The following PDE6B variants were observed in gnomAD, a reference collection of about 807,000 sequenced individuals.
The protein encoded by PDE6B is phosphodiesterase 6B.
PDE6B carries 106 observed loss-of-function variants against 109.0 expected under a neutral mutation model. The observed-to-expected ratio is 0.97, with a 90% CI of 0.83 to 1.14. The LOEUF (loss-of-function observed/expected upper bound fraction) is 1.14. PDE6B is among the 50% of genes most tolerant of loss of function. PDE6B has a pLI of 0.00. For missense variants in PDE6B, 1,193 were observed against 1,155.6 expected, an observed-to-expected ratio of 1.03 and a Z score of -0.47; for synonymous variants, 490 against 471.3, an observed-to-expected ratio of 1.04 and a Z score of -0.51.
rs61734864 is a variant in PDE6B at position 670,047 on chromosome 4, A to G, written c.2505A>G (p.Val835=). 2,594 of 1,612,238 alleles carry G rather than the reference A, an allele frequency of 1.6e-3. 42 individuals are homozygous for G. The African/African-American group carries it at 0.031, about 19-fold the overall frequency. ...ACCATCTTCTGTCTTCTCTTGCAGT[A>G]GGCACAGAAATTTGCAATGGCGGCC... ...EEEERVAAKK[V]GTEICNGGPA... The change falls in exon 22 of 22, where the codon GTA becomes GTG. Residue 835 remains valine (V), a splice_region_variant and synonymous_variant. Coordinates refer to ENST00000496514, the MANE Select transcript of PDE6B (RefSeq NM_000283.4).
intron 1 of PDE6B, among the ~76,000 whole-genome samples, chr4:632,801 G>T (rs35207129): frequency 0.029 from 4,423 of 150,980 alleles, 66 homozygotes; most frequent in Middle Eastern, 0.041. Flanking sequence ...GCATGGTGCC[G>T]AGGGTCACAT....
At chr4:644,586 G>C (rs1487926289) in intron 3 of PDE6B, among the ~76,000 whole-genome samples, 1 of 151,950 alleles carries the variant, frequency 6.6e-6, no homozygotes, top group Non-Finnish European at 1.5e-5. Flanking sequence ...CTGGAGCGCA[G>C]TGGTGTGATC....
rs1440981810 is a variant in PDE6B at position 666,254 on chromosome 4, G to T, written c.2269-277G>T. 2.6e-5 allele frequency among the ~76,000 whole-genome samples: 4 copies of T among 152,142 alleles called. No individual in the cohort carries two copies. The highest frequency in any genetic ancestry group is 5.9e-5 in the Non-Finnish European group (4 of 68,008). On this transcript the variant is annotated intron_variant, in intron 19 of 21. Transcript: ENST00000496514. The surrounding 1 kb of genome is among the most constrained non-coding windows in gnomAD (Gnocchi z 5.6). ...CCGCCTCTCCCCAGCTGCAGTAAGGGTCCCCAGAGCCAAGAGGGGGCTGCC... is the reference window on the plus strand; with the variant it reads ...CCGCCTCTCCCCAGCTGCAGTAAGGTTCCCCAGAGCCAAGAGGGGGCTGCC...
intron 11 of PDE6B, among the ~76,000 whole-genome samples, chr4:659,615 TG>T (rs58190736): frequency 0.16 from 24,277 of 149,486 alleles, 2,345 homozygotes; most frequent in African/African-American, 0.28. Flanking sequence ...GTGTGTGCAT[TG>T]TATGAATGTG....
At chr4:652,423 A>G in intron 3 of PDE6B, 8 of 786,780 alleles carry the variant, frequency 1.0e-5, no homozygotes, top group Non-Finnish European at 1.2e-5. Flanking sequence ...CGGGGCAGGA[A>G]GAGAGATAGA....
rs550613171 is a variant in PDE6B, at chr4:626,253, C to T, written c.468+159C>T. Among the ~76,000 whole-genome samples, 26 of 152,334 alleles carry T rather than the reference C, an allele frequency of 1.7e-4. No individual in the cohort carries two copies. The East Asian group carries it at 2.9e-3, about 17-fold the overall frequency. ...GGAGCAAGTACCTAGAGCCCCCTCC[C>T]GGCACTGTGCCCTGGCCGCCTGCCT... On this transcript the variant is annotated intron_variant, in intron 1 of 21. Coordinates refer to ENST00000496514, the MANE Select transcript of PDE6B (RefSeq NM_000283.4). This position sits in a 1 kb window ranked among gnomAD's most constrained non-coding sequence, Gnocchi z 4.6.
intron 20 of PDE6B, among the ~76,000 whole-genome samples, chr4:667,218 C>G (rs1383685267): frequency 2.0e-5 from 3 of 152,180 alleles, no homozygotes; most frequent in Non-Finnish European, 4.4e-5. Flanking sequence ...CGGCCACACT[C>G]CCTGGTGATG....
At chr4:642,368 T>C (rs1436979766) in intron 3 of PDE6B, among the ~76,000 whole-genome samples, 2 of 151,704 alleles carry the variant, frequency 1.3e-5, no homozygotes, top group African/African-American at 4.8e-5. Flanking sequence ...TCCAGCTACT[T>C]GGGAGGCTGA....
intron 17 of PDE6B, 89 bp from the exon 18 acceptor site, chr4:664,792 C>T: frequency 9.9e-7 from 1 of 1,009,572 alleles, no homozygotes. Flanking sequence ...GGCAACAGAG[C>T]AAGACTCCAT....
chr4:659,726 ATGTG>A (rs201759029), intron 11 of PDE6B, among the ~76,000 whole-genome samples: 1 of 145,944 alleles, frequency 6.9e-6, no homozygotes, highest in Non-Finnish European at 1.5e-5. Context: ...GTGTGCACCC[ATGTG>A]TGTGTGCTCA....
At position 657,512 on chromosome 4, in the gene PDE6B, G is replaced by A. The variant is rs370241561; in HGVS notation, c.1401+18G>A. On this transcript the variant is annotated intron_variant, in intron 10 of 21. Transcript: ENST00000496514. Reference sequence around the variant, plus strand: ...TCATCCTGGTGCGGCGGGGCAGGACGTCCAGGGGTCACCCAGGGGTCACGG... The same window carrying A: ...TCATCCTGGTGCGGCGGGGCAGGACATCCAGGGGTCACCCAGGGGTCACGG... 239 of 1,464,070 alleles carry A rather than the reference G, an allele frequency of 1.6e-4. No individual in the cohort carries two copies. Among genetic ancestry groups the A allele is most frequent in the Non-Finnish European group, 2.2e-4 (233 of 1,049,342 alleles). 90.7% of individuals were successfully genotyped at this position (1,464,070 alleles called of 1,614,324 possible).
intron 1 of PDE6B, among the ~76,000 whole-genome samples, chr4:632,977 G>C (rs1734465345): frequency 6.6e-6 from 1 of 152,194 alleles, no homozygotes; most frequent in Admixed American, 6.5e-5. Context: ...GCTCCAGGTA[G>C]AAAGGGAGGG....
chr4:667,833 G>C, intron 20 of PDE6B, 23 bp from the exon 21 acceptor site: 1 of 1,610,784 alleles, frequency 6.2e-7, no homozygotes, highest in Non-Finnish European at 8.5e-7. Flanking sequence ...CAGGACTGGT[G>C]GTGACTTCTC....
At chr4:642,725 C>CAAAAAAAAAAAAAAAAAAAAAAAA (rs71636506) in intron 3 of PDE6B, among the ~76,000 whole-genome samples, 10 of 43,334 alleles carry the variant, frequency 2.3e-4, no homozygotes, top group African/African-American at 9.3e-4. Context: ...GACACTGTCT[C>CAAAAAAAAAAAAAAAAAAAAAAAA]AAAAAAAAAA....
At chr4:658,239 T>A (rs1217151401) in intron 10 of PDE6B, among the ~76,000 whole-genome samples, 14 of 123,040 alleles carry the variant, frequency 1.1e-4, no homozygotes, top group Non-Finnish European at 2.1e-4. Context: ...GGGTCATGGA[T>A]CTGTGGCAGG....
chr4:650,464 G>A (rs1735449453), intron 3 of PDE6B, among the ~76,000 whole-genome samples: 1 of 152,194 alleles, frequency 6.6e-6, no homozygotes, highest in Non-Finnish European at 1.5e-5. Flanking sequence ...GCTCCCCTTC[G>A]ATCTGGAGTT....
chr4:653,441 T>G, intron 3 of PDE6B: 2 of 779,070 alleles, frequency 2.6e-6, no homozygotes, highest in Non-Finnish European at 3.5e-6. Flanking sequence ...TCTCAGACGC[T>G]TGGCGGAGGC....
rs771712859 is a variant in PDE6B, at chr4:659,034, C to A, written c.1467+17C>A. On this transcript the variant is annotated intron_variant, in intron 11 of 21. Transcript: ENST00000496514. ...GAAATCCTGGTAAGAACCTTGCTCC[C>A]GTCCCTCCCATGGAGGCCGGCCACG... The A allele has an allele frequency of 6.2e-7, 1 of 1,604,106 alleles. No individual in the cohort carries two copies. The highest frequency in any genetic ancestry group is 8.5e-7 in the Non-Finnish European group (1 of 1,171,442).
intron 3 of PDE6B, among the ~76,000 whole-genome samples, chr4:644,526 T>G (rs933305515): frequency 7.3e-5 from 11 of 151,520 alleles, no homozygotes; most frequent in Non-Finnish European, 1.5e-4. Flanking sequence ...AGTGTTTTTG[T>G]TTTTTTTATT....
Sources: gnomAD v4.1 joint callset for allele counts (sites outside exome capture counted in the v4.1 genomes callset) on GRCh38, gnomAD v4.1.1 for gene constraint, Gnocchi (gnomAD v3.1) non-coding constraint, MANE v1.5 for transcripts, NCBI Gene and HGNC (gene_info 2026-07-23, HGNC 2026-07-21) for gene names.